The following RNF121 variants were observed in gnomAD, a reference collection of about 807,000 sequenced individuals.
RNF121 encodes ring finger protein 121.
A neutral mutation model predicts 46.5 loss-of-function variants in RNF121; 21 were observed. The ratio of observed to expected loss-of-function variants is 0.45; its 90% CI spans 0.32 to 0.65. RNF121 has a LOEUF of 0.65. RNF121 is among the 30% of genes least tolerant of loss of function. The probability of loss-of-function intolerance (pLI) is 0.04; values close to 1 mark genes in which losing one functional copy is unlikely to be tolerated. For synonymous variants in RNF121, 139 were observed against 144.7 expected (o/e 0.96, Z 0.28); for missense variants, 346 against 416.0 (o/e 0.83, Z 1.46).
chr11:71,990,321 A>G (rs7128317), intron 5 of RNF121, among the ~76,000 whole-genome samples: 135,172 of 152,232 alleles, frequency 0.89, 60,271 homozygotes, highest in Non-Finnish European at 0.94. Flanking sequence ...GTCACCAGTT[A>G]GGGGAGGCAA....
At chr11:71,940,207 T>C (rs1457203496) in intron 1 of RNF121, among the ~76,000 whole-genome samples, 1 of 152,210 alleles carries the variant, frequency 6.6e-6, no homozygotes, top group African/African-American at 2.4e-5. Context: ...ATGTTAGGGA[T>C]TTGGGTTGAG....
intron 3 of RNF121, among the ~76,000 whole-genome samples, chr11:71,967,606 T>C (rs948430510): frequency 6.6e-5 from 10 of 152,096 alleles, no homozygotes; most frequent in Non-Finnish European, 1.3e-4. Context: ...TTTGTATTTT[T>C]AGTACGTGGT....
intron 3 of RNF121, among the ~76,000 whole-genome samples, chr11:71,964,057 T>A (rs538248016): frequency 6.6e-6 from 1 of 152,364 alleles, no homozygotes; most frequent in South Asian, 2.1e-4. Flanking sequence ...CAAAATCAGT[T>A]GGAATTTTGA....
At position 71,977,145 on chromosome 11, in the gene RNF121, T is replaced by C. The variant is rs534151697; in HGVS notation, c.244-5616T>C. Among the ~76,000 whole-genome samples the C allele has an allele frequency of 5.3e-5, 8 of 152,354 alleles. No individual in the cohort carries two copies. The South Asian group carries it at 1.7e-3, about 32-fold the overall frequency. On this transcript the variant is annotated intron_variant, in intron 3 of 8. Transcript: ENST00000361756. ...TAGCTGTGGATCTCTACCTTTATTC[T>C]ACTACTTGGGCTTATAGTTTCATTT...
At position 71,996,423 on chromosome 11, in the gene RNF121, T is replaced by C. The variant is rs1256830864; in HGVS notation, c.*108T>C. 1.5e-6 allele frequency: 2 copies of C among 1,367,196 alleles called. No homozygotes were observed. The highest frequency in any genetic ancestry group is 2.0e-6 in the Non-Finnish European group (2 of 1,005,268). 84.7% of individuals were successfully genotyped at this position (1,367,196 alleles called of 1,614,324 possible). A position where few individuals can be genotyped will look rare whatever the true frequency, so the allele number is the denominator to read the frequency against. On this transcript the variant is annotated 3_prime_UTR_variant, in exon 9 of 9. Coordinates refer to ENST00000361756, the MANE Select transcript of RNF121 (RefSeq NM_018320.5). ...GGTGGGAAAGACTCAAAGGGGTGCT[T>C]GGGCCACTCAGGACCCCTCTGGCTG...
rs71958930 is a variant in RNF121, at chr11:71,938,314, ATTTT to A, written c.63+9210_63+9213del. Among the ~76,000 whole-genome samples the A allele has an allele frequency of 7.4e-5, 7 of 94,920 alleles. No individual in the cohort carries two copies. The East Asian group carries it at 9.6e-4, about 13-fold the overall frequency. The allele number at this position is 94,920 out of a possible 152,430, so 62.3% of individuals were successfully genotyped here. On this transcript the variant is annotated intron_variant, in intron 1 of 8. Transcript: ENST00000361756. ...AGCATTTTACGTGTGTAGTCTCTTAATTTTTTTTTTTTTTTTTTTTTTTGAGACA... is the reference window on the plus strand; with the variant it reads ...AGCATTTTACGTGTGTAGTCTCTTAATTTTTTTTTTTTTTTTTTTGAGACA...
At chr11:71,983,006 TC>T (rs1954695583) in intron 4 of RNF121, 91 bp downstream of exon 4, 1 of 1,317,674 alleles carries the variant, frequency 7.6e-7, no homozygotes. Context: ...CTGAAAAAAT[TC>T]CTGGTTTTGT....
intron 4 of RNF121, among the ~76,000 whole-genome samples, chr11:71,985,450 A>G (rs1339906987): frequency 6.6e-6 from 1 of 152,160 alleles, no homozygotes; most frequent in African/African-American, 2.4e-5. Context: ...TTGACCTAAA[A>G]TTTCACATCC....
At chr11:71,930,635 G>T (rs1421488558) in intron 1 of RNF121, among the ~76,000 whole-genome samples, 1 of 152,154 alleles carries the variant, frequency 6.6e-6, no homozygotes, top group East Asian at 1.9e-4. Flanking sequence ...ACATTTCTGT[G>T]ATTACAGTTG....
In RNF121 at chr11:71,978,196, C is replaced by T. The variant is rs115637270; in HGVS notation, c.244-4565C>T. On this transcript the variant is annotated intron_variant, in intron 3 of 8. Transcript: ENST00000361756. ...AATTACAGGAGTGAGCCACCATGCCCGGCCTACAGTAGAAATTTTAAACCA... is the reference window on the plus strand; with the variant it reads ...AATTACAGGAGTGAGCCACCATGCCTGGCCTACAGTAGAAATTTTAAACCA... The T allele has an allele frequency of 3.1e-3, 1,383 of 451,420 alleles. 27 individuals are homozygous for T. The highest frequency in any genetic ancestry group is 0.024 in the African/African-American group (1,198 of 49,572). The allele number at this position is 451,420 out of a possible 1,614,324, so 28.0% of individuals were successfully genotyped here. A position where few individuals can be genotyped will look rare whatever the true frequency, so the allele number is the denominator to read the frequency against.
chr11:71,968,972 G>A (rs1047238740), intron 3 of RNF121, among the ~76,000 whole-genome samples: 18 of 146,204 alleles, frequency 1.2e-4, no homozygotes, highest in African/African-American at 4.3e-4. Flanking sequence ...TGCAACCTCC[G>A]CCTCTTGGGT....
intron 3 of RNF121, among the ~76,000 whole-genome samples, chr11:71,967,339 G>GTTTTTT (rs1251537488): frequency 2.9e-5 from 2 of 68,356 alleles, no homozygotes; most frequent in African/African-American, 4.1e-5. Context: ...TAATTATGTG[G>GTTTTTT]GTTTTTTTTG....
chr11:71,943,794 T>C (rs557881071), intron 1 of RNF121, among the ~76,000 whole-genome samples: 1 of 152,128 alleles, frequency 6.6e-6, no homozygotes, highest in East Asian at 1.9e-4. Context: ...AAAGAAAGAA[T>C]AGAAGAGCCC....
intron 3 of RNF121, among the ~76,000 whole-genome samples, chr11:71,980,350 CT>C (rs11366662): frequency 0.94 from 140,116 of 149,124 alleles, 66,113 homozygotes; most frequent in East Asian, 1. Context: ...TAAAATGACA[CT>C]TTTTTTTTTT....
intron 3 of RNF121, among the ~76,000 whole-genome samples, chr11:71,968,876 T>C (rs1409283276): frequency 1.6e-5 from 2 of 122,806 alleles, no homozygotes; most frequent in Non-Finnish European, 3.5e-5. Context: ...GATTTTTCTT[T>C]TTTCTTTCTT....
chr11:71,955,120 T>C lies in RNF121; in HGVS notation c.64-2107T>C, dbSNP rs117219949. ...AAACAAGGTGCTAGGGTATAAACTT[T>C]AGAGAGCCATTCACTCTTAAGGTCC... On this transcript the variant is annotated intron_variant, in intron 1 of 8. Transcript: ENST00000361756. 1.1e-3 allele frequency among the ~76,000 whole-genome samples: 167 copies of C among 152,296 alleles called. 3 individuals are homozygous for C. In the East Asian group the frequency reaches 0.019, roughly 17 times the overall value.
intron 2 of RNF121, among the ~76,000 whole-genome samples, chr11:71,958,649 C>A (rs961358915): frequency 6.6e-6 from 1 of 151,800 alleles, no homozygotes; most frequent in African/African-American, 2.4e-5. Context: ...TCCCTTGAGC[C>A]CAGCAGTTCG....
intron 1 of RNF121, 33 bp downstream of exon 1, chr11:71,929,157 AC>A: frequency 6.5e-7 from 1 of 1,544,558 alleles, no homozygotes; most frequent in African/African-American, 1.4e-5. Flanking sequence ...GAGAGACTCA[AC>A]CTGAGACTGA....
At chr11:71,949,105 T>G (rs779213379) in intron 1 of RNF121, among the ~76,000 whole-genome samples, 4 of 152,182 alleles carry the variant, frequency 2.6e-5, no homozygotes, top group Non-Finnish European at 5.9e-5. Context: ...GGCTTATTCC[T>G]CTTTAATGTT....
Sources: gnomAD v4.1 joint callset for allele counts (sites outside exome capture counted in the v4.1 genomes callset) on GRCh38, gnomAD v4.1.1 for gene constraint, MANE v1.5 for transcripts, NCBI Gene and HGNC (gene_info 2026-07-23, HGNC 2026-07-21) for gene names.